PRKCB: variants seen among roughly 807,000 people sequenced by gnomAD.
The protein encoded by PRKCB is protein kinase C beta.
Under a neutral mutation model 81.5 loss-of-function variants are expected in PRKCB, and 13 were observed. The ratio of observed to expected loss-of-function variants is 0.16; its 90% CI spans 0.10 to 0.25. The LOEUF (loss-of-function observed/expected upper bound fraction) is 0.25. Among genes scored for constraint, PRKCB ranks in the 10% least tolerant of loss-of-function variants. The pLI is 1.00. For missense variants in PRKCB, 509 were observed against 875.7 expected (o/e 0.58, Z 5.29); for synonymous variants, 335 against 321.4 (o/e 1.04, Z -0.45).
chr16:24,197,673 C>T (rs1365886514), intron 16 of PRKCB, among the ~76,000 whole-genome samples: 1 of 152,148 alleles, frequency 6.6e-6, no homozygotes, highest in East Asian at 1.9e-4. Context: ...GGTTGAGACT[C>T]TTGCCATAAT....
chr16:24,111,169 T>G (rs1966671456), intron 7 of PRKCB: 1 of 152,222 alleles, frequency 6.6e-6, no homozygotes, highest in Non-Finnish European at 1.5e-5. Flanking sequence ...TTTGGTAATT[T>G]CCGTGGAATT....
chr16:23,886,416 T>TTTTTTTTG, intron 2 of PRKCB, among the ~76,000 whole-genome samples: 2 of 114,974 alleles, frequency 1.7e-5, no homozygotes, highest in African/African-American at 6.5e-5. Context: ...GTTTTTTTTT[T>TTTTTTTTG]TTTTTTTTTT....
intron 2 of PRKCB, among the ~76,000 whole-genome samples, chr16:23,851,432 A>G (rs1192902866): frequency 6.6e-6 from 1 of 152,074 alleles, no homozygotes. Flanking sequence ...ATCCTGTTCC[A>G]TTGGTTGATG....
intron 9 of PRKCB, among the ~76,000 whole-genome samples, chr16:24,133,002 G>A (rs937420870): frequency 2.0e-5 from 3 of 152,114 alleles, no homozygotes; most frequent in Admixed American, 6.5e-5. Flanking sequence ...TTTTAACAGC[G>A]ATTCCGTGGA....
At chr16:23,928,418 G>A (rs555478637) in intron 2 of PRKCB, among the ~76,000 whole-genome samples, 27 of 152,222 alleles carry the variant, frequency 1.8e-4, no homozygotes, top group African/African-American at 5.8e-4. Flanking sequence ...ATGAGCCACC[G>A]CGCCCGGCCC....
intron 5 of PRKCB, among the ~76,000 whole-genome samples, chr16:24,084,980 C>A (rs1966294074): frequency 6.6e-6 from 1 of 152,006 alleles, no homozygotes; most frequent in Non-Finnish European, 1.5e-5. Context: ...TGAGGGTATG[C>A]ACACAGGATG....
chr16:24,056,707 A>G (rs7195769), intron 5 of PRKCB, among the ~76,000 whole-genome samples: 48,216 of 151,960 alleles, frequency 0.32, 9,199 homozygotes, highest in African/African-American at 0.54. Context: ...TCCCGCTCCT[A>G]CCATGTGATA....
chr16:24,007,936 G>T (rs1256507049), intron 3 of PRKCB, among the ~76,000 whole-genome samples: 2 of 150,986 alleles, frequency 1.3e-5, no homozygotes, highest in South Asian at 2.1e-4. Context: ...TGTTCATGAG[G>T]TTCATGCCCT....
chr16:23,972,157 A>G (rs1721031952), intron 2 of PRKCB, among the ~76,000 whole-genome samples: 1 of 152,184 alleles, frequency 6.6e-6, no homozygotes, highest in Admixed American at 6.5e-5. Flanking sequence ...TCTCAAAAAC[A>G]TTATTTTAAG....
chr16:24,191,396 A>G, intron 16 of PRKCB, 166 bp downstream of exon 16: 1 of 737,682 alleles, frequency 1.4e-6, no homozygotes, highest in Non-Finnish European at 2.1e-6. Context: ...ACTAAGATGG[A>G]CATTTTCCAT....
rs1479802609 is a variant in PRKCB at position 24,096,661 on chromosome 16, AAAAAAAT to A, written c.821+2366_821+2372del. 1.0e-4 allele frequency among the ~76,000 whole-genome samples: 5 copies of A among 49,230 alleles called. No homozygotes were observed. The East Asian group carries it at 3.7e-3, about 37-fold the overall frequency. 32.3% of individuals were successfully genotyped at this position (49,230 alleles called of 152,430 possible). ...TGCTCCCTTCCTATGGCAAAAAAAA[AAAAAAAT>A]ATATATATATATATATATATATATA... On this transcript the variant is annotated intron_variant, in intron 7 of 16. Transcript: ENST00000643927.
chr16:23,905,722 C>G lies in PRKCB; in HGVS notation c.205+68316C>G, dbSNP rs150880028. Among the ~76,000 whole-genome samples, 221 of 152,292 alleles carry G rather than the reference C, an allele frequency of 1.5e-3. 2 individuals carry two copies. The highest frequency in any genetic ancestry group is 5.0e-3 in the African/African-American group (208 of 41,550). ...TTACTCCTGGTAGAATTCCCATCAC[C>G]TAGAACAGTGCTTAGGACATTGTAG... On this transcript the variant is annotated intron_variant, in intron 2 of 16. Coordinates refer to ENST00000643927, the MANE Select transcript of PRKCB (RefSeq NM_002738.7).
chr16:24,059,105 A>G (rs1338920130), intron 5 of PRKCB, among the ~76,000 whole-genome samples: 1 of 152,182 alleles, frequency 6.6e-6, no homozygotes, highest in Non-Finnish European at 1.5e-5. Context: ...TTGCTTTAGT[A>G]TATGTTGAGA....
rs1017018133 is a variant in PRKCB at position 24,201,051 on chromosome 16, G to A, written c.1863+9821G>A. 1.2e-4 allele frequency among the ~76,000 whole-genome samples: 18 copies of A among 152,080 alleles called. 1 individual carries two copies. The South Asian group carries it at 3.7e-3, about 32-fold the overall frequency. ...GCCGTCAGCTTCTTACCACCTACCG[G>A]CACCTCCATAGTCATCTTGACCTCC... On this transcript the variant is annotated intron_variant, in intron 16 of 16. Coordinates refer to ENST00000643927, the MANE Select transcript of PRKCB (RefSeq NM_002738.7).
intron 8 of PRKCB, among the ~76,000 whole-genome samples, chr16:24,117,902 G>A (rs984721134): frequency 3.3e-5 from 5 of 152,214 alleles, no homozygotes; most frequent in African/African-American, 4.8e-5. Flanking sequence ...CTCCCCTTCC[G>A]TTGCAGGCTA....
intron 8 of PRKCB, among the ~76,000 whole-genome samples, chr16:24,113,483 T>TCCTTCCTTCCTTTCCTC (rs1966702971): frequency 6.7e-6 from 1 of 149,340 alleles, no homozygotes; most frequent in African/African-American, 2.5e-5. Context: ...CTTCCTTTCT[T>TCCTTCCTTCCTTTCCTC]CCTTCCTTCC....
chr16:23,885,309 C>G (rs976091589), intron 2 of PRKCB, among the ~76,000 whole-genome samples: 1 of 151,856 alleles, frequency 6.6e-6, no homozygotes, highest in African/African-American at 2.4e-5. Context: ...CTCTTTTTTT[C>G]TTTTTCTTTT....
At chr16:24,129,374 C>CT (rs1484869569) in intron 9 of PRKCB, among the ~76,000 whole-genome samples, 3 of 151,956 alleles carry the variant, frequency 2.0e-5, no homozygotes, top group African/African-American at 7.3e-5. Flanking sequence ...CATAAAGAAG[C>CT]TGAAAGAAGC....
intron 16 of PRKCB, among the ~76,000 whole-genome samples, chr16:24,196,672 G>A (rs1967884476): frequency 6.6e-6 from 1 of 152,208 alleles, no homozygotes; most frequent in Admixed American, 6.5e-5. Context: ...CTGCGGTGGG[G>A]TTTCAGATTC....
Sources: gnomAD v4.1 joint callset for allele counts (sites outside exome capture counted in the v4.1 genomes callset) on GRCh38, gnomAD v4.1.1 for gene constraint, MANE v1.5 for transcripts, NCBI Gene and HGNC (gene_info 2026-07-23, HGNC 2026-07-21) for gene names.